MLLT1: variants seen among roughly 807,000 people sequenced by gnomAD.
MLLT1 encodes MLLT1 super elongation complex subunit.
Under a neutral mutation model 55.1 loss-of-function variants are expected in MLLT1, and 11 were observed. That is an observed-to-expected ratio of 0.20 (90% confidence interval 0.13 to 0.33). The LOEUF is 0.33. Among genes scored for constraint, MLLT1 ranks in the 10% least tolerant of loss-of-function variants. The probability of loss-of-function intolerance (pLI) is 1.00; values close to 1 mark genes in which losing one functional copy is unlikely to be tolerated. For synonymous variants in MLLT1, 323 were observed against 320.1 expected (o/e 1.01, Z -0.10); for missense variants, 536 against 760.6 (o/e 0.70, Z 3.47).
rs2091309761 is a variant in MLLT1, at chr19:6,262,005, G to A, written c.276+223C>T. On this transcript the variant is annotated intron_variant, in intron 3 of 11. Transcript: ENST00000252674. The surrounding 1 kb of genome is among the most constrained non-coding windows in gnomAD (Gnocchi z 4.4). ...GTGGCCCAGCAGCTCCCCTAGAGAA[G>A]CAGACCAAGGGACACGCCCACCTGC... 6.6e-6 allele frequency among the ~76,000 whole-genome samples: 1 copy of A among 152,146 alleles called. No homozygotes were observed. The highest frequency in any genetic ancestry group is 2.1e-4 in the South Asian group (1 of 4,832).
intron 5 of MLLT1, among the ~76,000 whole-genome samples, chr19:6,224,970 C>T (rs752763851): frequency 9.2e-5 from 14 of 152,312 alleles, no homozygotes; most frequent in Admixed American, 9.2e-4. Flanking sequence ...ACCTCGTGAT[C>T]CGAATTAGGC....
chr19:6,276,786 C>G (rs888252288), intron 1 of MLLT1, among the ~76,000 whole-genome samples: 2 of 152,090 alleles, frequency 1.3e-5, no homozygotes, highest in Non-Finnish European at 2.9e-5. Flanking sequence ...CCAGCACAGA[C>G]TTGGGGCGGA....
chr19:6,270,637 C>G lies in MLLT1; in HGVS notation c.135G>C (p.Gln45His). The G allele has an allele frequency of 6.2e-7, 1 of 1,614,178 alleles. No individual in the cohort carries two copies. Among genetic ancestry groups the G allele is most frequent in the East Asian group, 2.2e-5 (1 of 44,882 alleles). The change falls in exon 2 of 12, where the codon CAG (glutamine) becomes CAC (histidine). Residue 45 changes from glutamine (Q) to histidine (H), a missense_variant. By Grantham distance (24) the Gln-to-His change is conservative. Coordinates refer to ENST00000252674, the MANE Select transcript of MLLT1 (RefSeq NM_005934.4). This position sits in a 1 kb window ranked among gnomAD's most constrained non-coding sequence, Gnocchi z 7.1. ...FVRGPEQCDI[Q>H]HFVEKVVFWL... ...AGAAGACCACCTTCTCCACGAAGTGCTGGATGTCACATTGCTCGGGGCCGC... is the reference window on the plus strand; with the variant it reads ...AGAAGACCACCTTCTCCACGAAGTGGTGGATGTCACATTGCTCGGGGCCGC...
chr19:6,212,255 C>CCCCCGGGAG lies in MLLT1; in HGVS notation c.*778_*786dup. 1 of 1,065,150 alleles carries CCCCCGGGAG rather than the reference C, an allele frequency of 9.4e-7. No individual in the cohort carries two copies. The highest frequency in any genetic ancestry group is 1.1e-6 in the Non-Finnish European group (1 of 879,354). The allele number at this position is 1,065,150 out of a possible 1,614,324, so 66.0% of individuals were successfully genotyped here. ...CTGCCCTTTGTAGTGTTGGCTGACC[C>CCCCCGGGAG]CCCCGGGAGCCCCGGTAGGAGGCGG... On this transcript the variant is annotated 3_prime_UTR_variant, in exon 12 of 12. Transcript: ENST00000252674.
intron 2 of MLLT1, among the ~76,000 whole-genome samples, chr19:6,265,038 CAAAA>C (rs928827048): frequency 1.9e-4 from 4 of 21,210 alleles, no homozygotes; most frequent in South Asian, 1.5e-3. Context: ...TAGTGAACAG[CAAAA>C]AAAAAACAAA....
chr19:6,232,294 T>C (rs2091019238), intron 3 of MLLT1, among the ~76,000 whole-genome samples: 1 of 152,162 alleles, frequency 6.6e-6, no homozygotes, highest in African/African-American at 2.4e-5. Flanking sequence ...CCTAACATTA[T>C]GGGCAGCTGG....
At chr19:6,245,694 G>A (rs975591404) in intron 3 of MLLT1, among the ~76,000 whole-genome samples, 16 of 151,542 alleles carry the variant, frequency 1.1e-4, no homozygotes, top group African/African-American at 3.9e-4. Context: ...CTCGGCGACA[G>A]AGCGAGACTC....
At position 6,222,406 on chromosome 19, in the gene MLLT1, T is replaced by TG. The variant is rs747016140; in HGVS notation, c.824dup (p.Pro276ThrfsTer71). The TG allele has an allele frequency of 6.7e-6, 1 of 148,798 alleles. No homozygotes were observed. Among genetic ancestry groups the TG allele is most frequent in the Non-Finnish European group, 9.1e-6 (1 of 109,636 alleles). The allele number at this position is 148,798 out of a possible 1,614,324, so 9.2% of individuals were successfully genotyped here. ...TGGAAGCCCGGGGTGGGGGTGGGGG[T>TG]GGGGGTGGGGGCCCACCCTTGGGGG... On this transcript the variant is annotated frameshift_variant, in exon 6 of 12. Coordinates refer to ENST00000252674, the MANE Select transcript of MLLT1 (RefSeq NM_005934.4). LOFTEE classifies it high-confidence loss of function. The surrounding 1 kb of genome is among the most constrained non-coding windows in gnomAD (Gnocchi z 4.1).
chr19:6,214,079 C>G (rs1221852098), intron 8 of MLLT1, 41 bp from the exon 9 acceptor site: 2 of 1,250,388 alleles, frequency 1.6e-6, no homozygotes, highest in Non-Finnish European at 2.1e-6. Flanking sequence ...CCTGCCGCCA[C>G]CACGGCCCCC....
Position 6,262,187 on chromosome 19 carries a change from C to T in MLLT1, c.276+41G>A. 1 of 1,550,216 alleles carries T rather than the reference C, an allele frequency of 6.5e-7. No homozygotes were observed. Among genetic ancestry groups the T allele is most frequent in the South Asian group, 1.1e-5 (1 of 89,764 alleles). On this transcript the variant is annotated intron_variant, in intron 3 of 11. Coordinates refer to ENST00000252674, the MANE Select transcript of MLLT1 (RefSeq NM_005934.4). The surrounding 1 kb of genome is among the most constrained non-coding windows in gnomAD (Gnocchi z 4.4). The stretch of plus-strand genomic sequence containing the variant: ...GCCGTGGCACCCGGAGCAGGGGTCC[C>T]CACAGAGAGGCATCCTGCTTGCTCC...
rs112209413 is a variant in MLLT1 at position 6,226,269 on chromosome 19, G to A, written c.546+708C>T. On this transcript the variant is annotated intron_variant, in intron 5 of 11. Coordinates refer to ENST00000252674, the MANE Select transcript of MLLT1 (RefSeq NM_005934.4). This position sits in a 1 kb window ranked among gnomAD's most constrained non-coding sequence, Gnocchi z 6.3. ...CCCGTGCCGCTCAGCCTCCAGGAAC[G>A]GCTGTGCTGAGTGGGCAGCTACAGA... 1.7e-3 allele frequency among the ~76,000 whole-genome samples: 258 copies of A among 152,346 alleles called. 2 individuals are homozygous for A. The highest frequency in any genetic ancestry group is 5.9e-3 in the African/African-American group (247 of 41,580).
chr19:6,214,882 T>C (rs2090823831), intron 8 of MLLT1, among the ~76,000 whole-genome samples: 1 of 152,192 alleles, frequency 6.6e-6, no homozygotes, highest in Admixed American at 6.5e-5. Flanking sequence ...TTGTCCCTGT[T>C]CCTGGCCTGC....
At chr19:6,241,075 A>C (rs2091108615) in intron 3 of MLLT1, among the ~76,000 whole-genome samples, 1 of 152,226 alleles carries the variant, frequency 6.6e-6, no homozygotes, top group Non-Finnish European at 1.5e-5. Context: ...AGGTATCCCC[A>C]AGATGAGCCC....
At chr19:6,216,542 A>G (rs764637311) in intron 7 of MLLT1, 29 bp from the exon 8 acceptor site, 1 of 1,478,570 alleles carries the variant, frequency 6.8e-7, no homozygotes. Context: ...GAGGGAGGGG[A>G]GACAAGGGCA....
intron 3 of MLLT1, among the ~76,000 whole-genome samples, chr19:6,258,779 G>T (rs570528793): frequency 2.0e-5 from 3 of 152,130 alleles, no homozygotes; most frequent in African/African-American, 2.4e-5. Context: ...CACACTCGCC[G>T]GCGAAGCCAA....
chr19:6,219,829 T>C lies in MLLT1; in HGVS notation c.1111-1788A>G, dbSNP rs1044501708. The stretch of plus-strand genomic sequence containing the variant: ...CTGAGCCCCGAGAGGCCCCCAAGCC[T>C]GTCCTGGCGCCGTGCCAGACAGAGG... On this transcript the variant is annotated intron_variant, in intron 6 of 11. Coordinates refer to ENST00000252674, the MANE Select transcript of MLLT1 (RefSeq NM_005934.4). The surrounding 1 kb of genome is among the most constrained non-coding windows in gnomAD (Gnocchi z 4.5). 7.2e-5 allele frequency among the ~76,000 whole-genome samples: 11 copies of C among 152,228 alleles called. No homozygotes were observed. The highest frequency in any genetic ancestry group is 2.4e-4 in the African/African-American group (10 of 41,456).
intron 3 of MLLT1, among the ~76,000 whole-genome samples, chr19:6,260,567 C>T (rs777285600): frequency 7.2e-5 from 11 of 152,272 alleles, no homozygotes; most frequent in Non-Finnish European, 1.3e-4. Context: ...CAGCCCACGG[C>T]GGAGCCAGGC....
At chr19:6,265,994 T>C (rs996083014) in intron 2 of MLLT1, among the ~76,000 whole-genome samples, 1 of 151,912 alleles carries the variant, frequency 6.6e-6, no homozygotes, top group African/African-American at 2.4e-5. Flanking sequence ...AAGTTTTGGA[T>C]CTTAAGCCGG....
At position 6,212,862 on chromosome 19, in the gene MLLT1, C is replaced by T. The variant is rs576667088; in HGVS notation, c.*180G>A. On this transcript the variant is annotated 3_prime_UTR_variant, in exon 12 of 12. Coordinates refer to ENST00000252674, the MANE Select transcript of MLLT1 (RefSeq NM_005934.4). Reference sequence around the variant, plus strand: ...CCCAGCCCGGCCCCAGGGCTCCTGGCGATGGAGCGGGGAGAGTGGGCAGGG... The same window carrying T: ...CCCAGCCCGGCCCCAGGGCTCCTGGTGATGGAGCGGGGAGAGTGGGCAGGG... 22 of 966,080 alleles carry T rather than the reference C, an allele frequency of 2.3e-5. No individual in the cohort carries two copies. The East Asian group carries it at 3.0e-4, about 13-fold the overall frequency. The allele number at this position is 966,080 out of a possible 1,614,324, so 59.8% of individuals were successfully genotyped here. A position where few individuals can be genotyped will look rare whatever the true frequency, so the allele number is the denominator to read the frequency against.
Sources: allele counts gnomAD v4.1 joint callset (sites outside exome capture counted in the v4.1 genomes callset), GRCh38; gene constraint gnomAD v4.1.1; non-coding constraint Gnocchi (gnomAD v3.1); transcripts MANE v1.5; gene names NCBI Gene and HGNC (gene_info 2026-07-23, HGNC 2026-07-21).